CLNK: variants seen among roughly 807,000 people sequenced by gnomAD.
The protein encoded by CLNK is cytokine-dependent hematopoietic cell linker.
A neutral mutation model predicts 68.6 loss-of-function variants in CLNK; 74 were observed. That is an observed-to-expected ratio of 1.08 (90% CI 0.89 to 1.31). The LOEUF (loss-of-function observed/expected upper bound fraction) is 1.31, where lower values mean the gene tolerates loss of function less well. Ranked by LOEUF, CLNK falls within the 50% of genes most tolerant of loss-of-function variation. The pLI, the probability that CLNK is intolerant of heterozygous loss-of-function variation, is 0.00. For missense variants in CLNK, 553 were observed against 515.3 expected (o/e 1.07, Z -0.71); for synonymous variants, 198 against 172.2 (o/e 1.15, Z -1.17).
chr4:10,493,057 C>G (rs1716647068), intron 18 of CLNK, among the ~76,000 whole-genome samples: 2 of 152,338 alleles, frequency 1.3e-5, no homozygotes, highest in Middle Eastern at 6.8e-3. Context: ...TGGCTCACGC[C>G]TGTAATCCCA....
chr4:10,649,151 A>G (rs1723631754), intron 2 of CLNK, among the ~76,000 whole-genome samples: 1 of 152,212 alleles, frequency 6.6e-6, no homozygotes, highest in Admixed American at 6.6e-5. Context: ...TGAATGAAAA[A>G]CGTAAAATCC....
At chr4:10,730,331 A>G in the CLNK span, among the ~76,000 whole-genome samples, 2 of 152,166 alleles carry the variant, frequency 1.3e-5, no homozygotes, top group Non-Finnish European at 2.9e-5. Flanking sequence ...TATATGACTC[A>G]TCTGTTTCCC....
Position 10,667,910 on chromosome 4 carries a change from G to C in CLNK, c.-41C>G. On this transcript the variant is annotated splice_region_variant and 5_prime_UTR_variant, in exon 2 of 19. Coordinates refer to ENST00000226951, the MANE Select transcript of CLNK (RefSeq NM_052964.4). The stretch of plus-strand genomic sequence containing the variant: ...GCGGGTAAGAGGGATCTTCAATTCA[G>C]CCTGTGGAAACAAAAGCAAACGCGT... The C allele has an allele frequency of 7.3e-7, 1 of 1,368,374 alleles. No homozygotes were observed. The highest frequency in any genetic ancestry group is 9.6e-7 in the Non-Finnish European group (1 of 1,044,372). The allele number at this position is 1,368,374 out of a possible 1,614,324, so 84.8% of individuals were successfully genotyped here.
chr4:10,714,045 T>G, the CLNK span, among the ~76,000 whole-genome samples: 1 of 152,172 alleles, frequency 6.6e-6, no homozygotes, highest in African/African-American at 2.4e-5. Context: ...TCTTTCCATG[T>G]TACAAGCCTA....
chr4:10,689,821 G>T, the CLNK span, among the ~76,000 whole-genome samples: 2 of 133,134 alleles, frequency 1.5e-5, no homozygotes, highest in Non-Finnish European at 3.1e-5. Flanking sequence ...ATTTATTACA[G>T]TTTAGCACCT....
chr4:10,583,013 T>G (rs1459146061), intron 4 of CLNK, among the ~76,000 whole-genome samples: 1 of 152,200 alleles, frequency 6.6e-6, no homozygotes, highest in Non-Finnish European at 1.5e-5. Context: ...CATCATCATT[T>G]TAATGGCTTC....
intron 18 of CLNK, among the ~76,000 whole-genome samples, chr4:10,494,459 ATTT>A (rs11379290): frequency 7.1e-6 from 1 of 140,104 alleles, no homozygotes. Flanking sequence ...AGTATTTCCT[ATTT>A]TTTTTTTTTT....
intron 4 of CLNK, among the ~76,000 whole-genome samples, chr4:10,573,373 C>T (rs1720423404): frequency 6.6e-6 from 1 of 152,140 alleles, no homozygotes; most frequent in African/African-American, 2.4e-5. Flanking sequence ...GAACAGAATC[C>T]TGCCTACACC....
chr4:10,696,284 G>A, the CLNK span, among the ~76,000 whole-genome samples: 1 of 152,132 alleles, frequency 6.6e-6, no homozygotes, highest in East Asian at 1.9e-4. Context: ...CATCTGTTTA[G>A]ACCTAGCTCT....
chr4:10,600,407 G>A (rs2531179), intron 2 of CLNK, among the ~76,000 whole-genome samples: 104,549 of 152,090 alleles, frequency 0.69, 36,792 homozygotes, highest in East Asian at 0.77. Context: ...CAACGCACTA[G>A]GTAATAGGGT....
chr4:10,615,926 T>G (rs114311781), intron 2 of CLNK, among the ~76,000 whole-genome samples: 1,535 of 152,316 alleles, frequency 0.01, 36 homozygotes, highest in African/African-American at 0.035. Context: ...TATTGAGTTA[T>G]CAGTGGTGTG....
At chr4:10,648,860 C>A (rs1723619624) in intron 2 of CLNK, among the ~76,000 whole-genome samples, 1 of 152,180 alleles carries the variant, frequency 6.6e-6, no homozygotes, top group Non-Finnish European at 1.5e-5. Context: ...TCACATTTCC[C>A]TGACAATGAG....
intron 1 of CLNK, among the ~76,000 whole-genome samples, chr4:10,674,303 T>C (rs888984255): frequency 6.6e-6 from 1 of 152,174 alleles, no homozygotes; most frequent in African/African-American, 2.4e-5. Flanking sequence ...CCTGTTTTCA[T>C]GATGCCAGCT....
the CLNK span, among the ~76,000 whole-genome samples, chr4:10,729,279 G>T: frequency 2.6e-5 from 4 of 152,094 alleles, no homozygotes; most frequent in African/African-American, 4.8e-5. Flanking sequence ...TGTTGGAGAG[G>T]GTGTGGAGAA....
At chr4:10,604,246 G>A (rs1179939985) in intron 2 of CLNK, among the ~76,000 whole-genome samples, 2 of 152,152 alleles carry the variant, frequency 1.3e-5, no homozygotes, top group Non-Finnish European at 2.9e-5. Context: ...AGGGCAATTG[G>A]TAATTGAGAT....
chr4:10,501,340 A>G lies in CLNK; in HGVS notation c.1056T>C (p.Tyr352=). The G allele has an allele frequency of 1.2e-6, 2 of 1,609,970 alleles. No homozygotes were observed. Among genetic ancestry groups the G allele is most frequent in the Non-Finnish European group, 8.5e-7 (1 of 1,178,804 alleles). Residue 352 remains tyrosine, a synonymous_variant, in exon 18 of 19, where the codon TAT becomes TAC. Coordinates refer to ENST00000226951, the MANE Select transcript of CLNK (RefSeq NM_052964.4). ...TTTTTACATTGTAGACTTTGTTCTCATAAAACACAGCCAAAACATAGGGCT... is the reference window on the plus strand; with the variant it reads ...TTTTTACATTGTAGACTTTGTTCTCGTAAAACACAGCCAAAACATAGGGCT... ...KEEPYVLAVF[Y]ENKVYNVKIR... is the part of the protein sequence containing the mutation.
chr4:10,645,519 A>C (rs567644965), intron 2 of CLNK, among the ~76,000 whole-genome samples: 1 of 152,340 alleles, frequency 6.6e-6, no homozygotes, highest in Non-Finnish European at 1.5e-5. Flanking sequence ...ATAGACAGGA[A>C]TTTACATACT....
chr4:10,621,465 T>G (rs112198703), intron 2 of CLNK, among the ~76,000 whole-genome samples: 1 of 152,126 alleles, frequency 6.6e-6, no homozygotes, highest in African/African-American at 2.4e-5. Flanking sequence ...TGGGGTCCAG[T>G]GGGTGTCCTT....
At chr4:10,658,437 C>T (rs376641797) in intron 2 of CLNK, among the ~76,000 whole-genome samples, 6 of 152,164 alleles carry the variant, frequency 3.9e-5, no homozygotes, top group African/African-American at 1.2e-4. Context: ...CTTAAAACGA[C>T]GGTTTGTTTT....
Sources: allele counts gnomAD v4.1 joint callset (sites outside exome capture counted in the v4.1 genomes callset), GRCh38; gene constraint gnomAD v4.1.1; transcripts MANE v1.5; gene names NCBI Gene and HGNC (gene_info 2026-07-23, HGNC 2026-07-21).